TASOR: variants seen among roughly 807,000 people sequenced by gnomAD.
TASOR encodes protein TASOR.
In TASOR, 53 loss-of-function variants were observed where a neutral mutation model predicts 178.6. The observed-to-expected ratio is 0.30, with a 90% confidence interval of 0.24 to 0.37. The LOEUF is 0.37. TASOR is among the 10% of genes least tolerant of loss of function. The pLI is 1.00. For missense variants in TASOR, 1,815 were observed against 1,971.4 expected (o/e 0.92, Z 1.50); for synonymous variants, 713 against 696.2 (o/e 1.02, Z -0.38).
At position 56,623,380 on chromosome 3, in the gene TASOR, T is replaced by C. The variant is rs776880861; in HGVS notation, c.4670A>G (p.Asn1557Ser). 1.2e-6 allele frequency: 2 copies of C among 1,613,742 alleles called. No homozygotes were observed. The highest frequency in any genetic ancestry group is 1.7e-6 in the Non-Finnish European group (2 of 1,179,952). Residue 1557 changes from asparagine (N) to serine (S), a missense_variant, in exon 24 of 24, where the codon AAC (asparagine) becomes AGC (serine). Physicochemically the swap from Asn to Ser is conservative, Grantham distance 46. Transcript: ENST00000683822. ...IELQSSPDVQ[N>S]SLLEDKTYLD... ...GTAAGTCTTATCTTCTAATAAACTG[T>C]TTTGCACATCAGGAGACGATTGCAA...
At chr3:56,644,257 A>G (rs775017590) in intron 14 of TASOR, among the ~76,000 whole-genome samples, 3 of 152,220 alleles carry the variant, frequency 2.0e-5, no homozygotes, top group Non-Finnish European at 2.9e-5. Flanking sequence ...CTCAAGAACT[A>G]TTAATAAATG....
chr3:56,647,528 A>G (rs184367453), intron 13 of TASOR, among the ~76,000 whole-genome samples: 4 of 152,330 alleles, frequency 2.6e-5, no homozygotes, highest in Non-Finnish European at 4.4e-5. Flanking sequence ...GGAAATTCAA[A>G]TAGTGGCAAG....
At chr3:56,634,013 G>A (rs1216519790) in intron 17 of TASOR, 47 bp from the exon 18 acceptor site, 2 of 1,419,006 alleles carry the variant, frequency 1.4e-6, no homozygotes, top group Non-Finnish European at 1.9e-6. Context: ...AAAAAGATAA[G>A]ATATGAAAAC....
intron 11 of TASOR, among the ~76,000 whole-genome samples, chr3:56,657,674 TA>T: frequency 6.6e-6 from 1 of 152,322 alleles, no homozygotes; most frequent in Admixed American, 6.5e-5. Flanking sequence ...CCAAGAAGAC[TA>T]TGGAGATCTC....
At chr3:56,641,278 AAGCATACTCAC>A in intron 15 of TASOR, 60 bp downstream of exon 15, 1 of 1,413,182 alleles carries the variant, frequency 7.1e-7, no homozygotes, top group South Asian at 1.6e-5. Flanking sequence ...TCATTCCCTG[AAGCATACTCAC>A]AGCACCTCTT....
intron 11 of TASOR, among the ~76,000 whole-genome samples, chr3:56,658,160 T>A (rs1309753838): frequency 6.6e-6 from 1 of 152,218 alleles, no homozygotes; most frequent in Non-Finnish European, 1.5e-5. Flanking sequence ...TGAGGCCTGC[T>A]GGAAAACGGA....
chr3:56,626,991 A>C, intron 21 of TASOR, 46 bp downstream of exon 21: 2 of 1,144,384 alleles, frequency 1.7e-6, no homozygotes, highest in Non-Finnish European at 2.6e-6. Flanking sequence ...TTATGAGTAC[A>C]ATGTTAAAAT....
At position 56,621,460 on chromosome 3, in the gene TASOR, T is replaced by C; in HGVS notation, c.*1577A>G. 9.8e-7 allele frequency: 1 copy of C among 1,024,538 alleles called. No homozygotes were observed. The highest frequency in any genetic ancestry group is 1.4e-6 in the Non-Finnish European group (1 of 702,234). 63.5% of individuals were successfully genotyped at this position (1,024,538 alleles called of 1,614,324 possible). Reference sequence around the variant, plus strand: ...CGATATGTTTTCCAAGTGAATATAATTCTAGTTTAACACAACATTGCAAGT... The same window carrying C: ...CGATATGTTTTCCAAGTGAATATAACTCTAGTTTAACACAACATTGCAAGT... On this transcript the variant is annotated 3_prime_UTR_variant, in exon 24 of 24. Coordinates refer to ENST00000683822, the MANE Select transcript of TASOR (RefSeq NM_001365635.2).
intron 1 of TASOR, among the ~76,000 whole-genome samples, chr3:56,675,866 C>T (rs147904523): frequency 3.3e-5 from 5 of 152,274 alleles, no homozygotes; most frequent in Admixed American, 2.6e-4. Flanking sequence ...AATGACAGAG[C>T]CATTCATCCA....
intron 4 of TASOR, 30 bp from the exon 5 acceptor site, chr3:56,669,821 G>T: frequency 7.0e-7 from 1 of 1,436,182 alleles, no homozygotes; most frequent in South Asian, 1.3e-5. Context: ...TAAGGAAACT[G>T]ATTATATTTT....
chr3:56,641,248 T>G, intron 15 of TASOR, 101 bp downstream of exon 15: 1 of 1,237,846 alleles, frequency 8.1e-7, no homozygotes, highest in Non-Finnish European at 1.1e-6. Context: ...TGCATTTTAT[T>G]TCTTTTTCAA....
intron 21 of TASOR, among the ~76,000 whole-genome samples, 168 bp from the exon 22 acceptor site, chr3:56,625,174 G>GAA (rs2076770562): frequency 6.7e-6 from 1 of 149,046 alleles, no homozygotes; most frequent in Non-Finnish European, 1.5e-5. Context: ...AAGAAAGAAA[G>GAA]AAGGGATAAG....
chr3:56,638,045 C>T (rs566762389), intron 17 of TASOR, among the ~76,000 whole-genome samples: 2 of 152,228 alleles, frequency 1.3e-5, no homozygotes, highest in Non-Finnish European at 2.9e-5. Context: ...AATGGCTTAC[C>T]CTTCTTGGCT....
chr3:56,673,095 GC>G (rs1345950424), intron 2 of TASOR, among the ~76,000 whole-genome samples: 21 of 152,192 alleles, frequency 1.4e-4, no homozygotes, highest in Admixed American at 1.3e-4. Flanking sequence ...ACAGGCATGA[GC>G]CACCATGCTC....
rs2076563888 is a variant in TASOR at position 56,621,276 on chromosome 3, C to T, written c.*1761G>A. ...GGAGAAGGGATGACTTCATTTACCC[C>T]CATAGTTATGGAGTCTTGAGTTCTA... On this transcript the variant is annotated 3_prime_UTR_variant, in exon 24 of 24. Coordinates refer to ENST00000683822, the MANE Select transcript of TASOR (RefSeq NM_001365635.2). 3.5e-6 allele frequency: 1 copy of T among 284,252 alleles called. No homozygotes were observed. Among genetic ancestry groups the T allele is most frequent in the Non-Finnish European group, 6.5e-6 (1 of 153,284 alleles). The allele number at this position is 284,252 out of a possible 1,614,324, so 17.6% of individuals were successfully genotyped here. A position where few individuals can be genotyped will look rare whatever the true frequency, so the allele number is the denominator to read the frequency against.
At chr3:56,648,499 A>G (rs2077281587) in intron 13 of TASOR, among the ~76,000 whole-genome samples, 1 of 151,148 alleles carries the variant, frequency 6.6e-6, no homozygotes, top group African/African-American at 2.4e-5. Flanking sequence ...GAGTGGTGGT[A>G]GATGCCTTGT....
intron 17 of TASOR, among the ~76,000 whole-genome samples, chr3:56,635,771 A>G (rs1204080231): frequency 6.6e-6 from 1 of 152,160 alleles, no homozygotes; most frequent in African/African-American, 2.4e-5. Flanking sequence ...CACCACACCC[A>G]GCTATTTATT....
chr3:56,660,948 C>T lies in TASOR; in HGVS notation c.1230G>A (p.Leu410=), dbSNP rs760839861. 7 of 1,611,990 alleles carry T rather than the reference C, an allele frequency of 4.3e-6. No individual in the cohort carries two copies. The highest frequency in any genetic ancestry group is 4.2e-6 in the Non-Finnish European group (5 of 1,178,426). Residue 410 remains leucine (L), a synonymous_variant, in exon 10 of 24, where the codon CTG becomes CTA. Transcript: ENST00000683822. ...GACCTAAGTATGTTTCCTTATAAAA[C>T]AGTGCTGGAGGGATTTTCTGTTTCA... The part of the protein sequence containing the change: ...DHLKQKIPPA[L]FYKETYLGPN...
rs762362184 is a variant in TASOR, at chr3:56,646,591, C to T, written c.2146G>A (p.Asp716Asn). Reference protein sequence around the residue: ...SKTVLKRKLEDLPENMRKLAK... With the variant: ...SKTVLKRKLENLPENMRKLAK... ...AGCTTTCTCATATTTTCAGGTAGAT[C>T]CTCAAGCTTCCTCTTCAAGACAGTT... Residue 716 changes from aspartate (D) to asparagine (N), a missense_variant, in exon 14 of 24, where the codon GAT (aspartate) becomes AAT (asparagine). Asp to Asn is a conservative substitution (Grantham distance 23). Transcript: ENST00000683822. 2.1e-5 allele frequency: 34 copies of T among 1,612,856 alleles called. No individual in the cohort carries two copies. In the East Asian group the frequency reaches 7.6e-4, roughly 36 times the overall value.
Sources: gnomAD v4.1 joint callset for allele counts (sites outside exome capture counted in the v4.1 genomes callset) on GRCh38, gnomAD v4.1.1 for gene constraint, MANE v1.5 for transcripts, NCBI Gene and HGNC (gene_info 2026-07-23, HGNC 2026-07-21) for gene names.